The following CNTNAP2 variants were observed in gnomAD, a reference collection of about 807,000 sequenced individuals.
CNTNAP2 encodes the protein contactin associated protein 2.
A neutral mutation model predicts 155.2 loss-of-function variants in CNTNAP2; 98 were observed. That is an observed-to-expected ratio of 0.63 (90% CI 0.54 to 0.75). The LOEUF (loss-of-function observed/expected upper bound fraction) is 0.75, where lower values mean the gene tolerates loss of function less well. CNTNAP2 is among the 30% of genes least tolerant of loss of function. CNTNAP2 has a pLI of 0.00. For synonymous variants in CNTNAP2, 651 were observed against 631.2 expected, an observed-to-expected ratio of 1.03 and a Z score of -0.47; for missense variants, 1,727 against 1,688.1, an observed-to-expected ratio of 1.02 and a Z score of -0.40.
intron 1 of CNTNAP2, among the ~76,000 whole-genome samples, chr7:146,635,820 G>A (rs1799588567): frequency 6.7e-6 from 1 of 148,774 alleles, no homozygotes; most frequent in African/African-American, 2.5e-5. Context: ...AAAAAAAACA[G>A]TTGAGAAAAT....
intron 21 of CNTNAP2, among the ~76,000 whole-genome samples, chr7:148,318,694 T>C (rs1206188216): frequency 6.6e-6 from 1 of 152,180 alleles, no homozygotes; most frequent in Non-Finnish European, 1.5e-5. Flanking sequence ...GCAAATGAGT[T>C]TCGTGGTCCG....
intron 13 of CNTNAP2, among the ~76,000 whole-genome samples, chr7:147,742,311 A>G (rs1469375188): frequency 3.3e-5 from 5 of 152,224 alleles, no homozygotes; most frequent in Admixed American, 6.5e-5. Flanking sequence ...ATTTGAATGC[A>G]TGAATTGGCC....
chr7:146,290,133 C>A (rs1800406001), intron 1 of CNTNAP2, among the ~76,000 whole-genome samples: 1 of 152,056 alleles, frequency 6.6e-6, no homozygotes, highest in African/African-American at 2.4e-5. Context: ...CCCATCATCC[C>A]AGGATTTTGG....
rs372499396 is a variant in CNTNAP2 at position 147,352,220 on chromosome 7, TCAG to T, written c.1499-43386_1499-43384del. On this transcript the variant is annotated intron_variant, in intron 9 of 23. Transcript: ENST00000361727. Reference sequence around the variant, plus strand: ...AATGTTAGTTTTATGTAAAAGCAATTCAGCAAGTCTGAAATTACTTTTCTGCAA... The same window carrying T: ...AATGTTAGTTTTATGTAAAAGCAATTCAAGTCTGAAATTACTTTTCTGCAA... Among the ~76,000 whole-genome samples, 858 of 152,036 alleles carry T rather than the reference TCAG, an allele frequency of 5.6e-3. 6 individuals carry two copies. The highest frequency in any genetic ancestry group is 0.02 in the African/African-American group (820 of 41,526).
chr7:147,693,094 C>A (rs759574715), intron 13 of CNTNAP2, among the ~76,000 whole-genome samples: 8 of 151,924 alleles, frequency 5.3e-5, no homozygotes, highest in Non-Finnish European at 8.8e-5. Flanking sequence ...TTGTTCCAGC[C>A]TCCTTTGTTG....
intron 13 of CNTNAP2, among the ~76,000 whole-genome samples, chr7:147,683,205 G>A (rs932287978): frequency 6.6e-6 from 1 of 151,700 alleles, no homozygotes; most frequent in African/African-American, 2.4e-5. Context: ...CTGTGTATTT[G>A]TCCAACATTC....
At chr7:147,365,986 A>G (rs1796223727) in intron 9 of CNTNAP2, among the ~76,000 whole-genome samples, 1 of 152,200 alleles carries the variant, frequency 6.6e-6, no homozygotes, top group Non-Finnish European at 1.5e-5. Context: ...GGCACTGATT[A>G]TGATGCTGAA....
chr7:148,373,915 C>G (rs1232581644), intron 21 of CNTNAP2, among the ~76,000 whole-genome samples: 1 of 152,214 alleles, frequency 6.6e-6, no homozygotes, highest in East Asian at 1.9e-4. Context: ...TTGTGATGAT[C>G]CACTGGAGCT....
At chr7:148,252,030 C>A (rs1796371516) in intron 20 of CNTNAP2, among the ~76,000 whole-genome samples, 1 of 152,210 alleles carries the variant, frequency 6.6e-6, no homozygotes, top group Non-Finnish European at 1.5e-5. Context: ...TTTTCATGTT[C>A]TCTCTGTCTT....
At chr7:147,538,046 G>A (rs1799578380) in intron 11 of CNTNAP2, among the ~76,000 whole-genome samples, 1 of 152,170 alleles carries the variant, frequency 6.6e-6, no homozygotes, top group Non-Finnish European at 1.5e-5. Context: ...GTGACTGTTT[G>A]ATTCTAACCT....
intron 1 of CNTNAP2, among the ~76,000 whole-genome samples, chr7:146,508,116 A>T (rs1797411828): frequency 6.6e-6 from 1 of 152,168 alleles, no homozygotes; most frequent in Admixed American, 6.5e-5. Context: ...ATACCAGAGA[A>T]TTGTAGGGTT....
chr7:148,293,088 T>TA (rs1206920083), intron 21 of CNTNAP2, among the ~76,000 whole-genome samples: 2 of 100,074 alleles, frequency 2.0e-5, no homozygotes, highest in Non-Finnish European at 4.1e-5. Context: ...TAAAATAAAA[T>TA]AAAATAAATG....
At chr7:147,700,308 T>C (rs1371376206) in intron 13 of CNTNAP2, among the ~76,000 whole-genome samples, 1 of 152,176 alleles carries the variant, frequency 6.6e-6, no homozygotes, top group Admixed American at 6.5e-5. Flanking sequence ...TAACATTTAG[T>C]GAAATACAGC....
At chr7:146,795,609 C>A (rs1802754616) in intron 2 of CNTNAP2, among the ~76,000 whole-genome samples, 1 of 152,186 alleles carries the variant, frequency 6.6e-6, no homozygotes. Context: ...AAGCTGGAGA[C>A]TTTATATGCC....
At chr7:147,940,719 A>G (rs1396959353) in intron 14 of CNTNAP2, among the ~76,000 whole-genome samples, 2 of 152,030 alleles carry the variant, frequency 1.3e-5, no homozygotes, top group African/African-American at 2.4e-5. Flanking sequence ...AATTTTATGT[A>G]GAGACAAGAT....
At chr7:147,802,452 C>T (rs532745570) in intron 13 of CNTNAP2, among the ~76,000 whole-genome samples, 16 of 152,206 alleles carry the variant, frequency 1.1e-4, no homozygotes, top group African/African-American at 3.4e-4. Context: ...TGTAGCGAGC[C>T]GAGATCAGGC....
At chr7:146,841,892 T>TC (rs1455375682) in intron 3 of CNTNAP2, among the ~76,000 whole-genome samples, 1 of 151,998 alleles carries the variant, frequency 6.6e-6, no homozygotes, top group East Asian at 1.9e-4. Flanking sequence ...GGAGTCTTTT[T>TC]TTTTTTTGAG....
intron 8 of CNTNAP2, among the ~76,000 whole-genome samples, chr7:147,156,962 A>G (rs923632747): frequency 8.5e-5 from 13 of 152,140 alleles, no homozygotes; most frequent in Non-Finnish European, 1.8e-4. Context: ...GTTTACCCCC[A>G]TATCCACATT....
At chr7:146,233,031 AG>A (rs1799412045) in intron 1 of CNTNAP2, among the ~76,000 whole-genome samples, 1 of 152,224 alleles carries the variant, frequency 6.6e-6, no homozygotes. Context: ...TATATGTTAT[AG>A]AACATAATCT....
Sources: allele counts gnomAD v4.1 joint callset (sites outside exome capture counted in the v4.1 genomes callset), GRCh38; gene constraint gnomAD v4.1.1; transcripts MANE v1.5; gene names NCBI Gene and HGNC (gene_info 2026-07-23, HGNC 2026-07-21).